Variants in HK1 observed in about 807,000 individuals in gnomAD.
The protein encoded by HK1 is hexokinase 1, also known as hexokinase-1.
In HK1, 28 loss-of-function variants were observed where a neutral mutation model predicts 91.6. The ratio of observed to expected loss-of-function variants is 0.31; its 90% CI spans 0.23 to 0.42. HK1 has a LOEUF of 0.42. HK1 is among the 10% of genes least tolerant of loss of function. The pLI is 1.00. For missense variants in HK1, 770 were observed against 1,219.8 expected (o/e 0.63, Z 5.49); for synonymous variants, 430 against 468.1 (o/e 0.92, Z 1.05).
At chr10:69,328,788 A>C (rs1186565878) in intron 1 of HK1, among the ~76,000 whole-genome samples, 1 of 152,190 alleles carries the variant, frequency 6.6e-6, no homozygotes. Context: ...ACCCGTTAGC[A>C]GTCACTTCCC....
chr10:69,330,327 G>C (rs929139904), intron 1 of HK1, among the ~76,000 whole-genome samples: 6 of 151,922 alleles, frequency 3.9e-5, no homozygotes, highest in African/African-American at 1.5e-4. Context: ...TTAATCAGAT[G>C]CTTACTTTAG....
intron 7 of HK1, among the ~76,000 whole-genome samples, chr10:69,375,660 A>G (rs1372137306): frequency 6.6e-6 from 1 of 152,200 alleles, no homozygotes; most frequent in African/African-American, 2.4e-5. Context: ...GCTGTGTCAC[A>G]GCCAGCTGTG....
Position 69,369,047 on chromosome 10 carries a change from CTG to C in HK1, c.592-187_592-186del, listed in dbSNP as rs1849857042. 6.6e-6 allele frequency among the ~76,000 whole-genome samples: 1 copy of C among 152,208 alleles called. No individual in the cohort carries two copies. Among genetic ancestry groups the C allele is most frequent in the Non-Finnish European group, 1.5e-5 (1 of 68,032 alleles). ...CTCTTAAGCCAGGTAATTAAGGAAA[CTG>C]TGAGGTTTTCATCATTTAATCACCA... On this transcript the variant is annotated intron_variant, in intron 5 of 17. Transcript: ENST00000359426. This position sits in a 1 kb window ranked among gnomAD's most constrained non-coding sequence, Gnocchi z 4.4.
intron 4 of HK1, among the ~76,000 whole-genome samples, chr10:69,297,684 C>T (rs1399213017): frequency 1.3e-5 from 2 of 148,486 alleles, no homozygotes; most frequent in South Asian, 2.1e-4. Context: ...CACCTGAGGT[C>T]GGGTGTTTAA....
chr10:69,368,550 C>G lies in HK1; in HGVS notation c.510C>G (p.Thr170=). 6.2e-7 allele frequency: 1 copy of G among 1,614,188 alleles called. No individual in the cohort carries two copies. Among genetic ancestry groups the G allele is most frequent in the Non-Finnish European group, 8.5e-7 (1 of 1,179,992 alleles). Residue 170 remains threonine, a synonymous_variant, in exon 5 of 18, where the codon ACC becomes ACG. Transcript: ENST00000359426. ...CTTCTTTGCAGGCCATCCTGATCAC[C>G]TGGACAAAGCGATTTAAAGCGAGCG... is the stretch of plus-strand genomic sequence containing the variant. ...QSKIDEAILI[T]WTKRFKASGV...
chr10:69,360,973 T>C (rs1849388462), intron 3 of HK1, among the ~76,000 whole-genome samples: 1 of 152,136 alleles, frequency 6.6e-6, no homozygotes, highest in South Asian at 2.1e-4. Flanking sequence ...CACCGCAAGG[T>C]TCATGACTAA....
chr10:69,380,212 C>T lies in HK1; in HGVS notation c.1265+117C>T, dbSNP rs1315499403. 1.7e-5 allele frequency: 14 copies of T among 829,998 alleles called. No individual in the cohort carries two copies. Among genetic ancestry groups the T allele is most frequent in the Middle Eastern group, 2.3e-4 (1 of 4,318 alleles). The allele number at this position is 829,998 out of a possible 1,614,324, so 51.4% of individuals were successfully genotyped here. On this transcript the variant is annotated intron_variant, in intron 9 of 17. Coordinates refer to ENST00000359426, the MANE Select transcript of HK1 (RefSeq NM_000188.3). This position sits in a 1 kb window ranked among gnomAD's most constrained non-coding sequence, Gnocchi z 4.0. ...TTTCGGCAGACAAGACAATGGTGGT[C>T]GGGGGCTGTGGCTCATGCCTGTAAT... is the stretch of plus-strand genomic sequence containing the variant.
chr10:69,324,002 A>G (rs949150685), intron 1 of HK1, among the ~76,000 whole-genome samples: 11 of 152,150 alleles, frequency 7.2e-5, no homozygotes, highest in African/African-American at 2.7e-4. Flanking sequence ...TCCAGGAATC[A>G]GTTGTGGTCA....
At chr10:69,388,149 C>T (rs182781332) in intron 13 of HK1, among the ~76,000 whole-genome samples, 7 of 152,128 alleles carry the variant, frequency 4.6e-5, no homozygotes, top group African/African-American at 1.4e-4. Context: ...AATATAGCTG[C>T]GGGTTGGGTG....
At chr10:69,328,238 T>G (rs939672571) in intron 1 of HK1, among the ~76,000 whole-genome samples, 1 of 152,150 alleles carries the variant, frequency 6.6e-6, no homozygotes. Context: ...GCTCAGCCCT[T>G]TGCACACAGA....
intron 1 of HK1, among the ~76,000 whole-genome samples, chr10:69,321,524 C>T (rs1847028256): frequency 6.6e-6 from 1 of 152,170 alleles, no homozygotes; most frequent in East Asian, 1.9e-4. Flanking sequence ...GATGATTCAG[C>T]CCTCCAGCTG....
upstream of HK1, among the ~76,000 whole-genome samples, chr10:69,317,528 A>G (rs987539097): frequency 7.2e-5 from 11 of 152,160 alleles, no homozygotes; most frequent in African/African-American, 2.4e-4. Flanking sequence ...AGGGACTCCT[A>G]AAGTCAAGAG....
At chr10:69,292,996 C>T (rs944905356) in intron 3 of HK1, among the ~76,000 whole-genome samples, 5 of 152,144 alleles carry the variant, frequency 3.3e-5, no homozygotes, top group Non-Finnish European at 5.9e-5. Flanking sequence ...AGGCTCTAAT[C>T]CATCTGATTC....
In HK1 at chr10:69,334,465, T is replaced by G. The variant is rs189554656; in HGVS notation, c.64-9362T>G. Among the ~76,000 whole-genome samples, 246 of 152,260 alleles carry G rather than the reference T, an allele frequency of 1.6e-3. 2 individuals are homozygous for G. The highest frequency in any genetic ancestry group is 5.5e-3 in the African/African-American group (230 of 41,558). On this transcript the variant is annotated intron_variant, in intron 1 of 17. Coordinates refer to ENST00000359426, the MANE Select transcript of HK1 (RefSeq NM_000188.3). ...GGGCCTCAGCCATGCAGTGGTGAAGTGCTGAGGGGAAGGCAGGGGTTAGAA... is the reference window on the plus strand; with the variant it reads ...GGGCCTCAGCCATGCAGTGGTGAAGGGCTGAGGGGAAGGCAGGGGTTAGAA...
intron 2 of HK1, among the ~76,000 whole-genome samples, chr10:69,346,279 AG>A (rs993496508): frequency 2.0e-5 from 3 of 152,182 alleles, no homozygotes; most frequent in African/African-American, 7.2e-5. Context: ...CAAACCACGG[AG>A]GGATAAATTG....
In HK1 at chr10:69,392,234, C is replaced by T. The variant is rs765128929; in HGVS notation, c.2145C>T (p.Asn715=). The change falls in exon 15 of 18, where the codon AAC becomes AAT. Residue 715 remains asparagine (N), a synonymous_variant. Coordinates refer to ENST00000359426, the MANE Select transcript of HK1 (RefSeq NM_000188.3). ...INMEWGAFGD[N]GCLDDIRTHY... is the part of the protein sequence containing the mutation. The stretch of plus-strand genomic sequence containing the variant: ...TGGAGTGGGGGGCCTTTGGGGACAA[C>T]GGGTGTCTGGATGATATCAGGACAC... 25 of 1,614,042 alleles carry T rather than the reference C, an allele frequency of 1.5e-5. No homozygotes were observed. The highest frequency in any genetic ancestry group is 1.1e-5 in the South Asian group (1 of 91,092).
chr10:69,315,023 A>G (rs898075194), upstream of HK1, among the ~76,000 whole-genome samples: 8 of 151,976 alleles, frequency 5.3e-5, no homozygotes, highest in Non-Finnish European at 1.2e-4. Context: ...GGAGTTCGAG[A>G]CCAGCCTGGG....
intron 4 of HK1, among the ~76,000 whole-genome samples, chr10:69,297,822 G>C (rs934993352): frequency 8.6e-5 from 13 of 151,138 alleles, no homozygotes; most frequent in Non-Finnish European, 1.5e-4. Flanking sequence ...CTTGAACCTG[G>C]GAGGCGGAGG....
At chr10:69,340,440 G>A (rs577647666) in intron 1 of HK1, among the ~76,000 whole-genome samples, 2 of 152,218 alleles carry the variant, frequency 1.3e-5, no homozygotes, top group Middle Eastern at 3.4e-3. Flanking sequence ...AGTAGAGACC[G>A]GGTTTTACCA....
Sources: gnomAD v4.1 joint callset for allele counts (sites outside exome capture counted in the v4.1 genomes callset) on GRCh38, gnomAD v4.1.1 for gene constraint, Gnocchi (gnomAD v3.1) non-coding constraint, MANE v1.5 for transcripts, NCBI Gene and HGNC (gene_info 2026-07-23, HGNC 2026-07-21) for gene names.